RECQL5: variants seen among roughly 807,000 people sequenced by gnomAD.
RECQL5 encodes RecQ like helicase 5.
Under a neutral mutation model 103.4 loss-of-function variants are expected in RECQL5, and 88 were observed. That is an observed-to-expected ratio of 0.85 (90% CI 0.72 to 1.02). The LOEUF is 1.02. Among genes scored for constraint, RECQL5 ranks in the 50% least tolerant of loss-of-function variants. The pLI is 0.00. For missense variants in RECQL5, 1,232 were observed against 1,284.3 expected, an observed-to-expected ratio of 0.96 and a Z score of 0.62; for synonymous variants, 552 against 507.9, an observed-to-expected ratio of 1.09 and a Z score of -1.17.
At position 75,665,143 on chromosome 17, in the gene RECQL5, T is replaced by C. The variant is rs753625950; in HGVS notation, c.160A>G (p.Thr54Ala). Residue 54 changes from threonine (T) to alanine (A), a missense_variant, in exon 3 of 20, where the codon ACA becomes GCA. Physicochemically the swap from Thr to Ala is moderately conservative, Grantham distance 58 (BLOSUM62 0). Coordinates refer to ENST00000317905, the MANE Select transcript of RECQL5 (RefSeq NM_004259.7). ...TAGCATAGGGATTTTCCTGCCCCTGTGGGCATGCACACAAAGACGTCCTTG... is the reference window on the plus strand; with the variant it reads ...TAGCATAGGGATTTTCCTGCCCCTGCGGGCATGCACACAAAGACGTCCTTG... Reference protein sequence around the residue: ...GNKDVFVCMPTGAGKSLCYQL... With the variant: ...GNKDVFVCMPAGAGKSLCYQL... 2.9e-5 allele frequency: 47 copies of C among 1,611,558 alleles called. No individual in the cohort carries two copies. Among genetic ancestry groups the C allele is most frequent in the Non-Finnish European group, 3.8e-5 (45 of 1,179,224 alleles).
intron 7 of RECQL5, among the ~76,000 whole-genome samples, chr17:75,654,393 C>T (rs1479476915): frequency 6.6e-6 from 1 of 152,154 alleles, no homozygotes; most frequent in African/African-American, 2.4e-5. Context: ...GCCTGGGACA[C>T]AGCTGTCTTT....
At position 75,660,997 on chromosome 17, in the gene RECQL5, G is replaced by C; in HGVS notation, c.944C>G (p.Ala315Gly). Residue 315 changes from alanine (A) to glycine (G), a missense_variant, in exon 6 of 20, where the codon GCA (alanine) becomes GGA (glycine). Physicochemically the swap from Ala to Gly is moderately conservative, Grantham distance 60. Coordinates refer to ENST00000317905, the MANE Select transcript of RECQL5 (RefSeq NM_004259.7). Reference sequence around the variant, plus strand: ...CACTCCCATCCCAAAACTAATGGTTGCAACAATTACAGGGACCTTCTCCTC... The same window carrying C: ...CACTCCCATCCCAAAACTAATGGTTCCAACAATTACAGGGACCTTCTCCTC... ...WMEEKVPVIVATISFGMGVDK... is the reference protein window; with the variant it reads ...WMEEKVPVIVGTISFGMGVDK... The C allele has an allele frequency of 2.5e-6, 4 of 1,614,196 alleles. No individual in the cohort carries two copies. Among genetic ancestry groups the C allele is most frequent in the Non-Finnish European group, 2.5e-6 (3 of 1,180,008 alleles).
In RECQL5 at chr17:75,628,280, C is replaced by G. The variant is rs1224464242; in HGVS notation, c.2743G>C (p.Ala915Pro). The G allele has an allele frequency of 6.2e-7, 1 of 1,614,188 alleles. No homozygotes were observed. The highest frequency in any genetic ancestry group is 1.7e-5 in the Admixed American group (1 of 60,026). Reference sequence around the variant, plus strand: ...AGGCACTTGACCACAACATTTGCAGCCTCCTTCAAGGAGACGCCAGGAGCG... The same window carrying G: ...AGGCACTTGACCACAACATTTGCAGGCTCCTTCAAGGAGACGCCAGGAGCG... ...LSAPGVSLKE[A>P]ANVVVKCLTP... is the part of the protein sequence containing the mutation. The change falls in exon 18 of 20, where the codon GCT becomes CCT. Residue 915 changes from alanine to proline, a missense_variant. Ala to Pro is a conservative substitution (Grantham distance 27). Coordinates refer to ENST00000317905, the MANE Select transcript of RECQL5 (RefSeq NM_004259.7).
intron 18 of RECQL5, among the ~76,000 whole-genome samples, 158 bp from the exon 19 acceptor site, chr17:75,627,850 T>C (rs1010837981): frequency 7.2e-5 from 11 of 151,920 alleles, no homozygotes; most frequent in African/African-American, 2.7e-4. Flanking sequence ...AAACCCTGAC[T>C]CTACTAAAAA....
In RECQL5 at chr17:75,665,110, G is replaced by A; in HGVS notation, c.193C>T (p.Pro65Ser). Residue 65 changes from proline to serine, a missense_variant, in exon 3 of 20, where the codon CCT becomes TCT. By Grantham distance (74) the Pro-to-Ser change is moderately conservative. Transcript: ENST00000317905. ...GTGATGCCTTTGGCCAACAGAGCAG[G>A]GAGCTGATAGCATAGGGATTTTCCT... ...GAGKSLCYQL[P>S]ALLAKGITIV... 1.2e-6 allele frequency: 2 copies of A among 1,612,404 alleles called. No homozygotes were observed. Among genetic ancestry groups the A allele is most frequent in the East Asian group, 2.2e-5 (1 of 44,696 alleles).
rs766499877 is a variant in RECQL5 at position 75,636,183 on chromosome 17, G to A, written c.1230-4515C>T. Among the ~76,000 whole-genome samples the A allele has an allele frequency of 3.7e-4, 57 of 152,176 alleles. No individual in the cohort carries two copies. The highest frequency in any genetic ancestry group is 7.5e-4 in the Non-Finnish European group (51 of 68,022). The stretch of plus-strand genomic sequence containing the variant: ...GAGGGAGCCACCACTTGCTCTGGCA[G>A]CCACTCAGGAACCCCTGAGGACCCT... On this transcript the variant is annotated intron_variant, in intron 8 of 19. Transcript: ENST00000317905. The surrounding 1 kb of genome is among the most constrained non-coding windows in gnomAD (Gnocchi z 5.4).
At chr17:75,649,477 C>CA in intron 8 of RECQL5, 1 of 241,146 alleles carries the variant, frequency 4.1e-6, no homozygotes, top group Non-Finnish European at 6.7e-6. Context: ...AAGAAACCTA[C>CA]AGCTTCCTTT....
chr17:75,631,028 G>A lies in RECQL5; in HGVS notation c.1549-18C>T. On this transcript the variant is annotated intron_variant, in intron 10 of 19. Coordinates refer to ENST00000317905, the MANE Select transcript of RECQL5 (RefSeq NM_004259.7). ...TCTTTGCCCTGGAGGACAACATGAA[G>A]GACCCATGAGGCGTCCTGCCCTGCC... 1 of 1,613,592 alleles carries A rather than the reference G, an allele frequency of 6.2e-7. No individual in the cohort carries two copies. The highest frequency in any genetic ancestry group is 8.5e-7 in the Non-Finnish European group (1 of 1,179,896).
At position 75,665,035 on chromosome 17, in the gene RECQL5, T is replaced by A. The variant is rs2059749641; in HGVS notation, c.252+16A>T. ...GAATCTTTTTGGGCTACCATCTTCATTGCCCTAAGCCTCACCTGAATCAAA... is the reference window on the plus strand; with the variant it reads ...GAATCTTTTTGGGCTACCATCTTCAATGCCCTAAGCCTCACCTGAATCAAA... On this transcript the variant is annotated intron_variant, in intron 3 of 19. Coordinates refer to ENST00000317905, the MANE Select transcript of RECQL5 (RefSeq NM_004259.7). 6.5e-7 allele frequency: 1 copy of A among 1,537,444 alleles called. No individual in the cohort carries two copies. Among genetic ancestry groups the A allele is most frequent in the Non-Finnish European group, 8.7e-7 (1 of 1,148,204 alleles).
rs182823885 is a variant in RECQL5, at chr17:75,630,599, C to T, written c.1718+20G>A. The T allele has an allele frequency of 2.6e-3, 4,187 of 1,612,818 alleles. 7 individuals carry two copies. The highest frequency in any genetic ancestry group is 6.4e-3 in the Admixed American group (384 of 59,998). On this transcript the variant is annotated intron_variant, in intron 13 of 19. Transcript: ENST00000317905. The stretch of plus-strand genomic sequence containing the variant: ...ACGAGAGCTTGGAGTGCTCCTCAGC[C>T]CAGTGATCGTGGAACTCACTCATCA...
chr17:75,628,916 GACT>G lies in RECQL5; in HGVS notation c.2489+15_2489+17del. On this transcript the variant is annotated intron_variant, in intron 16 of 19. Coordinates refer to ENST00000317905, the MANE Select transcript of RECQL5 (RefSeq NM_004259.7). Reference sequence around the variant, plus strand: ...CCGTGTAGGTTCCAGAAGATTCTATGACTACCTGTACCCTTACCTTGGCCTCTC... The same window carrying G: ...CCGTGTAGGTTCCAGAAGATTCTATGACCTGTACCCTTACCTTGGCCTCTC... 6.3e-7 allele frequency: 1 copy of G among 1,581,782 alleles called. No individual in the cohort carries two copies. The highest frequency in any genetic ancestry group is 8.5e-7 in the Non-Finnish European group (1 of 1,171,870).
chr17:75,663,898 T>C (rs2059731838), intron 3 of RECQL5, among the ~76,000 whole-genome samples: 1 of 151,294 alleles, frequency 6.6e-6, no homozygotes, highest in Non-Finnish European at 1.5e-5. Context: ...CTACTAAAAA[T>C]ACAAAATTAG....
intron 7 of RECQL5, among the ~76,000 whole-genome samples, chr17:75,653,950 C>T (rs2059586354): frequency 6.6e-6 from 1 of 151,896 alleles, no homozygotes; most frequent in South Asian, 2.1e-4. Context: ...AAAAACCAGA[C>T]ACTGATATCT....
At position 75,627,449 on chromosome 17, in the gene RECQL5, CCAGT is replaced by C; in HGVS notation, c.2945_2948del (p.Asp982GlyfsTer61). The C allele has an allele frequency of 6.2e-7, 1 of 1,613,602 alleles. No homozygotes were observed. On this transcript the variant is annotated frameshift_variant, in exon 20 of 20. Coordinates refer to ENST00000317905, the MANE Select transcript of RECQL5 (RefSeq NM_004259.7). LOFTEE classifies it high-confidence loss of function. ...ATCTCTGGGGGCCACACAGGCCATG[CCAGT>C]CAGCTTCGCTCTCGCACCGGGCCCG... is the stretch of plus-strand genomic sequence containing the variant.
In RECQL5 at chr17:75,629,145, C is replaced by T. The variant is rs750442936; in HGVS notation, c.2278G>A (p.Asp760Asn). 8.1e-6 allele frequency: 13 copies of T among 1,613,868 alleles called. No individual in the cohort carries two copies. Among genetic ancestry groups the T allele is most frequent in the East Asian group, 2.2e-5 (1 of 44,886 alleles). Reference protein sequence around the residue: ...QQLLATAAHKDSQSIARFFCR... With the variant: ...QQLLATAAHKNSQSIARFFCR... ...AAGAAGCGGGCGATGCTCTGAGAAT[C>T]CTTGTGGGCCGCTGTGGCTAGGAGC... Residue 760 changes from aspartate (D) to asparagine (N), a missense_variant, in exon 16 of 20, where the codon GAT becomes AAT. Asp to Asn is a conservative substitution (Grantham distance 23). Transcript: ENST00000317905.
Position 75,627,443 on chromosome 17 carries a change from G to A in RECQL5, c.2955C>T (p.Gly985=), listed in dbSNP as rs2059116278. ...TTGGTCATCTCTGGGGGCCACACAG[G>A]CCATGCCAGTCAGCTTCGCTCTCGC... is the stretch of plus-strand genomic sequence containing the variant. ...ARCESEADWH[G]LCGPQR Residue 985 remains glycine (G), a synonymous_variant, in exon 20 of 20, where the codon GGC becomes GGT. Transcript: ENST00000317905. The A allele has an allele frequency of 6.2e-7, 1 of 1,613,576 alleles. No individual in the cohort carries two copies. Among genetic ancestry groups the A allele is most frequent in the African/African-American group, 1.3e-5 (1 of 75,060 alleles).
At chr17:75,659,013 T>C (rs1218994809) in intron 6 of RECQL5, among the ~76,000 whole-genome samples, 1 of 152,184 alleles carries the variant, frequency 6.6e-6, no homozygotes, top group Non-Finnish European at 1.5e-5. Flanking sequence ...AAACTGGCTC[T>C]TAACAAGATA....
Position 75,628,986 on chromosome 17 carries a change from C to A in RECQL5, c.2437G>T (p.Gly813Ter). Residue 813 changes from glycine to a stop codon, truncating the protein, a stop_gained, in exon 16 of 20, where the codon GGA (glycine) becomes TGA (stop). Coordinates refer to ENST00000317905, the MANE Select transcript of RECQL5 (RefSeq NM_004259.7). LOFTEE classifies it high-confidence loss of function. ...KYTGEEDGAG[G>*]HSPAPPQTEE... Reference sequence around the variant, plus strand: ...GTCTGGGGAGGGGCAGGCGAATGTCCCCCGGCTCCATCTTCCTCCCCTGTG... The same window carrying A: ...GTCTGGGGAGGGGCAGGCGAATGTCACCCGGCTCCATCTTCCTCCCCTGTG... 4 of 1,564,062 alleles carry A rather than the reference C, an allele frequency of 2.6e-6. No individual in the cohort carries two copies. Among genetic ancestry groups the A allele is most frequent in the Admixed American group, 2.0e-5 (1 of 50,158 alleles).
Position 75,662,862 on chromosome 17 carries a change from G to C in RECQL5, c.388C>G (p.Pro130Ala). Residue 130 changes from proline (P) to alanine (A), a missense_variant, in exon 4 of 20, where the codon CCA becomes GCA. Pro to Ala is a conservative substitution (Grantham distance 27). Coordinates refer to ENST00000317905, the MANE Select transcript of RECQL5 (RefSeq NM_004259.7). The stretch of plus-strand genomic sequence containing the variant: ...AAGGAGGATGAAGCTGCCATCTCTG[G>C]GGTGATGTACAGAATCTTGGTCTGG... ...KPQTKILYIT[P>A]EMAASSSFQP... 1 of 1,614,112 alleles carries C rather than the reference G, an allele frequency of 6.2e-7. No individual in the cohort carries two copies. The highest frequency in any genetic ancestry group is 8.5e-7 in the Non-Finnish European group (1 of 1,180,024).
Sources: allele counts gnomAD v4.1 joint callset (sites outside exome capture counted in the v4.1 genomes callset), GRCh38; gene constraint gnomAD v4.1.1; non-coding constraint Gnocchi (gnomAD v3.1); transcripts MANE v1.5; gene names NCBI Gene and HGNC (gene_info 2026-07-23, HGNC 2026-07-21).